Variants in CADPS2 observed in about 807,000 individuals in gnomAD.
CADPS2 encodes calcium-dependent secretion activator 2.
In CADPS2, 93 loss-of-function variants were observed where a neutral mutation model predicts 172.5. The ratio of observed to expected loss-of-function variants is 0.54; its 90% confidence interval spans 0.46 to 0.64. The LOEUF (loss-of-function observed/expected upper bound fraction) is 0.64, where lower values mean the gene tolerates loss of function less well. Among genes scored for constraint, CADPS2 ranks in the 30% least tolerant of loss-of-function variants. The pLI is 0.00. For missense variants in CADPS2, 1,420 were observed against 1,565.9 expected, an observed-to-expected ratio of 0.91 and a Z score of 1.57; for synonymous variants, 546 against 555.2, an observed-to-expected ratio of 0.98 and a Z score of 0.23.
intron 9 of CADPS2, among the ~76,000 whole-genome samples, chr7:122,501,874 C>CAAAAA (rs1173009562): frequency 4.7e-5 from 2 of 42,172 alleles, no homozygotes; most frequent in Non-Finnish European, 9.3e-5. Flanking sequence ...GACTCCGTCT[C>CAAAAA]AAAAAAAAAA....
chr7:122,396,815 A>G (rs2045202590), intron 20 of CADPS2, among the ~76,000 whole-genome samples: 1 of 152,156 alleles, frequency 6.6e-6, no homozygotes, highest in Non-Finnish European at 1.5e-5. Flanking sequence ...TCTTGCTGAC[A>G]TATTTCTCGC....
intron 28 of CADPS2, among the ~76,000 whole-genome samples, chr7:122,345,090 G>A (rs1563111143): frequency 6.6e-6 from 1 of 151,744 alleles, no homozygotes; most frequent in Non-Finnish European, 1.5e-5. Context: ...TACCTTTGAT[G>A]GTCTATATCT....
At chr7:122,504,046 C>A (rs1463297314) in intron 9 of CADPS2, among the ~76,000 whole-genome samples, 1 of 152,162 alleles carries the variant, frequency 6.6e-6, no homozygotes, top group African/African-American at 2.4e-5. Context: ...TTTAACAGAT[C>A]AATCTGCTAT....
intron 1 of CADPS2, among the ~76,000 whole-genome samples, chr7:122,815,643 G>A (rs1801144678): frequency 6.6e-6 from 1 of 151,898 alleles, no homozygotes; most frequent in Non-Finnish European, 1.5e-5. Context: ...ATATATTGCA[G>A]CGAAACGTTA....
intron 1 of CADPS2, among the ~76,000 whole-genome samples, chr7:122,867,164 A>C (rs2141405261): frequency 6.6e-6 from 1 of 151,708 alleles, no homozygotes; most frequent in Middle Eastern, 3.4e-3. Flanking sequence ...CTGACACCAA[A>C]CCCCCTCCCA....
chr7:122,615,117 T>C, intron 6 of CADPS2, 64 bp downstream of exon 6: 1 of 975,578 alleles, frequency 1.0e-6, no homozygotes, highest in South Asian at 1.6e-5. Flanking sequence ...AAACAGAGCA[T>C]GTTTCTTTGG....
chr7:122,328,925 G>A (rs1318712885), intron 28 of CADPS2, among the ~76,000 whole-genome samples: 2 of 152,148 alleles, frequency 1.3e-5, no homozygotes. Flanking sequence ...TAGTGTTTAA[G>A]GTGAGGTTTT....
intron 18 of CADPS2, among the ~76,000 whole-genome samples, chr7:122,415,615 A>AG (rs960135506): frequency 1.3e-5 from 2 of 151,868 alleles, no homozygotes; most frequent in Non-Finnish European, 2.9e-5. Context: ...AAAAAAAAAA[A>AG]AAAAAGAAAA....
chr7:122,345,481 A>G (rs2037440538), intron 28 of CADPS2, 93 bp downstream of exon 28: 1 of 740,304 alleles, frequency 1.4e-6, no homozygotes, highest in African/African-American at 1.7e-5. Context: ...CACAAAAAGG[A>G]GACTATGCTT....
At chr7:122,401,695 T>C (rs188409197) in intron 20 of CADPS2, among the ~76,000 whole-genome samples, 2 of 152,324 alleles carry the variant, frequency 1.3e-5, no homozygotes, top group East Asian at 1.9e-4. Context: ...TTTAAACTGA[T>C]TGCCCATTAA....
chr7:122,678,605 A>G (rs2082628643), intron 2 of CADPS2, among the ~76,000 whole-genome samples: 1 of 152,198 alleles, frequency 6.6e-6, no homozygotes, highest in Admixed American at 6.5e-5. Context: ...AGTAGGGGCC[A>G]TAGGATGGGT....
chr7:122,621,117 G>A (rs2075559947), intron 5 of CADPS2, among the ~76,000 whole-genome samples: 1 of 151,832 alleles, frequency 6.6e-6, no homozygotes, highest in Non-Finnish European at 1.5e-5. Context: ...GCCTAGGCTG[G>A]TCTTAAACTT....
At chr7:122,788,278 T>G (rs992096349) in intron 1 of CADPS2, among the ~76,000 whole-genome samples, 7 of 152,234 alleles carry the variant, frequency 4.6e-5, no homozygotes, top group Non-Finnish European at 8.8e-5. Context: ...TTTGAAATTA[T>G]AGTACTCAGA....
rs1055662137 is a variant in CADPS2 at position 122,490,063 on chromosome 7, T to A, written c.1852+18A>T. The A allele has an allele frequency of 6.2e-7, 1 of 1,608,904 alleles. No homozygotes were observed. On this transcript the variant is annotated intron_variant, in intron 11 of 29. Transcript: ENST00000449022. ...AGGCTATTAATTGATAATCAAATTA[T>A]TTTTTAACAAAACTTACAAAGCTGA...
In CADPS2 at chr7:122,554,983, CAA is replaced by C. The variant is rs773758991; in HGVS notation, c.1336-296_1336-295del. 5.9e-5 allele frequency among the ~76,000 whole-genome samples: 9 copies of C among 152,032 alleles called. No individual in the cohort carries two copies. In the East Asian group the frequency reaches 1.7e-3, roughly 29 times the overall value. ...AGTTGAATTGACGTTGAAAAATACT[CAA>C]GAGACACCCATAATTTCAAGAAAAT... On this transcript the variant is annotated intron_variant, in intron 7 of 29. Coordinates refer to ENST00000449022, the MANE Select transcript of CADPS2 (RefSeq NM_017954.11).
At chr7:122,633,446 G>A (rs959746687) in intron 3 of CADPS2, among the ~76,000 whole-genome samples, 10 of 151,842 alleles carry the variant, frequency 6.6e-5, no homozygotes, top group African/African-American at 2.4e-4. Context: ...TTTTTGTTTG[G>A]TGTGTGTATC....
intron 19 of CADPS2, among the ~76,000 whole-genome samples, chr7:122,408,234 T>A (rs900925000): frequency 7.9e-5 from 12 of 152,162 alleles, no homozygotes; most frequent in Non-Finnish European, 1.6e-4. Flanking sequence ...AATTTTTTGC[T>A]ATTCTCAATG....
rs747774196 is a variant in CADPS2, at chr7:122,471,406, C to T, written c.2155G>A (p.Ala719Thr). Residue 719 changes from alanine (A) to threonine (T), a missense_variant, in exon 14 of 30, where the codon GCA becomes ACA. Physicochemically the swap from Ala to Thr is moderately conservative, Grantham distance 58. Transcript: ENST00000449022. Reference protein sequence around the residue: ...IDPTLLHYSFAFCASHVHGNR... With the variant: ...IDPTLLHYSFTFCASHVHGNR... ...CCGTGCACATGAGAGGCACAGAATG[C>T]AAAGCTGTAATGGAGCAGGGTAGGG... 1.9e-6 allele frequency: 3 copies of T among 1,612,902 alleles called. No homozygotes were observed. The highest frequency in any genetic ancestry group is 2.5e-6 in the Non-Finnish European group (3 of 1,179,458).
chr7:122,533,506 C>T (rs2061962534), intron 8 of CADPS2, among the ~76,000 whole-genome samples: 1 of 152,116 alleles, frequency 6.6e-6, no homozygotes, highest in Admixed American at 6.6e-5. Flanking sequence ...AACGGAAGGA[C>T]AGAAATTCAA....
Sources: gnomAD v4.1 joint callset for allele counts (sites outside exome capture counted in the v4.1 genomes callset) on GRCh38, gnomAD v4.1.1 for gene constraint, MANE v1.5 for transcripts, NCBI Gene and HGNC (gene_info 2026-07-23, HGNC 2026-07-21) for gene names.